Variants in GALNT11 observed in about 807,000 individuals in gnomAD.
GALNT11 encodes UDP-GalNAc:polypeptide N-acetylgalactosaminyltransferase 11.
A neutral mutation model predicts 72.7 loss-of-function variants in GALNT11; 47 were observed. The ratio of observed to expected loss-of-function variants is 0.65; its 90% CI spans 0.51 to 0.82. The LOEUF is 0.82. GALNT11 is among the 40% of genes least tolerant of loss of function. The probability of loss-of-function intolerance (pLI) is 0.00; values close to 1 mark genes in which losing one functional copy is unlikely to be tolerated. For synonymous variants in GALNT11, 270 were observed against 286.6 expected, an observed-to-expected ratio of 0.94 and a Z score of 0.58; for missense variants, 677 against 778.4, an observed-to-expected ratio of 0.87 and a Z score of 1.55.
chr7:152,065,740 A>G (rs1290208484), intron 1 of GALNT11, among the ~76,000 whole-genome samples: 1 of 152,200 alleles, frequency 6.6e-6, no homozygotes, highest in Non-Finnish European at 1.5e-5. Context: ...TCAGCAGCAG[A>G]GGCTGCAGAA....
At chr7:152,104,773 G>T (rs920767260) in intron 4 of GALNT11, 3 of 152,112 alleles carry the variant, frequency 2.0e-5, no homozygotes, top group African/African-American at 7.2e-5. Flanking sequence ...ATTAATAAAA[G>T]GACATATTCA....
chr7:152,094,556 A>T lies in GALNT11; in HGVS notation c.295+34A>T. The T allele has an allele frequency of 6.5e-7, 1 of 1,543,988 alleles. No homozygotes were observed. The highest frequency in any genetic ancestry group is 8.7e-7 in the Non-Finnish European group (1 of 1,144,952). ...ATGATGTTTACCAGCATCCATATCAATGTATTTAATCACTGGAAGTTTGAT... is the reference window on the plus strand; with the variant it reads ...ATGATGTTTACCAGCATCCATATCATTGTATTTAATCACTGGAAGTTTGAT... On this transcript the variant is annotated intron_variant, in intron 2 of 11. Transcript: ENST00000430044. The surrounding 1 kb of genome is among the most constrained non-coding windows in gnomAD (Gnocchi z 4.3).
At chr7:152,035,740 C>T (rs2082542016) in intron 1 of GALNT11, among the ~76,000 whole-genome samples, 1 of 152,210 alleles carries the variant, frequency 6.6e-6, no homozygotes, top group African/African-American at 2.4e-5. Context: ...AACTGGCCGA[C>T]AGGTGCCTGG....
rs2082984326 is a variant in GALNT11, at chr7:152,043,724, T to C, written c.-39+17840T>C. On this transcript the variant is annotated intron_variant, in intron 1 of 11. Coordinates refer to ENST00000430044, the MANE Select transcript of GALNT11 (RefSeq NM_022087.4). The stretch of plus-strand genomic sequence containing the variant: ...AGATCCGGAGGGTCAGGCTACTCTT[T>C]TTCTTCAAAATAATGAGGGGGTACA... Among the ~76,000 whole-genome samples, 3 of 152,158 alleles carry C rather than the reference T, an allele frequency of 2.0e-5. No individual in the cohort carries two copies. In the South Asian group the frequency reaches 6.2e-4, roughly 32 times the overall value.
intron 1 of GALNT11, among the ~76,000 whole-genome samples, chr7:152,060,543 G>C (rs1349395232): frequency 6.6e-6 from 1 of 151,564 alleles, no homozygotes; most frequent in East Asian, 1.9e-4. Context: ...TGTTACATAT[G>C]TATACATGGG....
chr7:152,107,570 C>T (rs1464316537), intron 5 of GALNT11: 1 of 157,324 alleles, frequency 6.4e-6, no homozygotes, highest in African/African-American at 2.4e-5. Context: ...TCTCTGTACT[C>T]TGTTTACTGA....
intron 8 of GALNT11, among the ~76,000 whole-genome samples, chr7:152,115,847 G>A (rs1235283803): frequency 2.0e-5 from 3 of 151,928 alleles, no homozygotes; most frequent in Admixed American, 6.6e-5. Flanking sequence ...ACCTGAGGTC[G>A]GGAGTTTGAG....
At chr7:152,078,304 T>G (rs1157950688) in intron 1 of GALNT11, among the ~76,000 whole-genome samples, 1 of 152,114 alleles carries the variant, frequency 6.6e-6, no homozygotes, top group Admixed American at 6.6e-5. Flanking sequence ...CAAATCCAAG[T>G]GATTCTTCTG....
Position 152,108,170 on chromosome 7 carries a change from T to G in GALNT11, c.845T>G (p.Leu282Arg). The G allele has an allele frequency of 6.2e-7, 1 of 1,614,172 alleles. No individual in the cohort carries two copies. Among genetic ancestry groups the G allele is most frequent in the Non-Finnish European group, 8.5e-7 (1 of 1,180,036 alleles). Reference protein sequence around the residue: ...PVIDIISADTLAYSSSPVVRG... With the variant: ...PVIDIISADTRAYSSSPVVRG... ...ATTGACATCATCAGCGCCGACACGC[T>G]GGCCTACAGCTCGTCCCCTGTCGTC... The change falls in exon 6 of 12, where the codon CTG (leucine) becomes CGG (arginine). Residue 282 changes from leucine to arginine, a missense_variant. By Grantham distance (102) the Leu-to-Arg change is moderately radical. Coordinates refer to ENST00000430044, the MANE Select transcript of GALNT11 (RefSeq NM_022087.4).
chr7:152,107,813 A>G (rs910015402), intron 5 of GALNT11: 9 of 436,650 alleles, frequency 2.1e-5, no homozygotes, highest in African/African-American at 1.7e-4. Flanking sequence ...TATGATTTGT[A>G]TGGGTCCCTC....
intron 2 of GALNT11, among the ~76,000 whole-genome samples, chr7:152,097,824 G>A (rs895600977): frequency 6.6e-6 from 1 of 152,208 alleles, no homozygotes; most frequent in Non-Finnish European, 1.5e-5. Flanking sequence ...GAAGGCAAAT[G>A]AGTGGTTCCC....
intron 8 of GALNT11, among the ~76,000 whole-genome samples, chr7:152,114,332 C>T (rs1178814816): frequency 6.6e-6 from 1 of 152,154 alleles, no homozygotes; most frequent in Non-Finnish European, 1.5e-5. Context: ...CATTAATCTA[C>T]TCCTTGTCTC....
intron 1 of GALNT11, among the ~76,000 whole-genome samples, chr7:152,052,644 CT>C: frequency 6.6e-6 from 1 of 152,180 alleles, no homozygotes. Context: ...CCCTCTTATT[CT>C]TCTGCTTTGT....
intron 1 of GALNT11, among the ~76,000 whole-genome samples, chr7:152,091,989 A>C (rs1358592005): frequency 6.6e-6 from 1 of 152,122 alleles, no homozygotes; most frequent in Non-Finnish European, 1.5e-5. Flanking sequence ...TGGAAGCGGG[A>C]AGGCCGGGAG....
intron 3 of GALNT11, 39 bp downstream of exon 3, chr7:152,100,960 C>T (rs762662352): frequency 6.8e-6 from 11 of 1,607,776 alleles, no homozygotes; most frequent in Non-Finnish European, 9.4e-6. Flanking sequence ...ATTTTAACAA[C>T]ACGATGCTTT....
chr7:152,032,320 G>A (rs772910020), intron 1 of GALNT11, among the ~76,000 whole-genome samples: 20 of 152,162 alleles, frequency 1.3e-4, no homozygotes, highest in Admixed American at 2.6e-4. Context: ...AGAGAAACTG[G>A]GAGTCATGGG....
chr7:152,044,378 G>A (rs2152015676), intron 1 of GALNT11, among the ~76,000 whole-genome samples: 1 of 152,252 alleles, frequency 6.6e-6, no homozygotes, highest in East Asian at 1.9e-4. Flanking sequence ...TTCCACCCTG[G>A]GTGGGCCAGG....
intron 1 of GALNT11, among the ~76,000 whole-genome samples, chr7:152,072,764 G>T (rs945599805): frequency 1.3e-5 from 2 of 152,204 alleles, no homozygotes. Context: ...TGTGAGGTCT[G>T]GCTCCAGCCA....
intron 7 of GALNT11, among the ~76,000 whole-genome samples, chr7:152,110,913 C>T (rs7798091): frequency 3.3e-5 from 5 of 151,536 alleles, no homozygotes; most frequent in Non-Finnish European, 5.9e-5. Flanking sequence ...TAGAGATGGG[C>T]GTCTCACTAT....
Sources: allele counts gnomAD v4.1 joint callset (sites outside exome capture counted in the v4.1 genomes callset), GRCh38; gene constraint gnomAD v4.1.1; non-coding constraint Gnocchi (gnomAD v3.1); transcripts MANE v1.5; gene names NCBI Gene and HGNC (gene_info 2026-07-23, HGNC 2026-07-21).